PLA2G12A: variants seen among roughly 807,000 people sequenced by gnomAD.
PLA2G12A encodes group XIIA secretory phospholipase A2.
PLA2G12A carries 11 observed loss-of-function variants against 16.0 expected under a neutral mutation model. The observed-to-expected ratio is 0.69, with a 90% confidence interval of 0.43 to 1.13. The LOEUF (loss-of-function observed/expected upper bound fraction) is 1.13, where lower values mean the gene tolerates loss of function less well. Ranked by LOEUF, PLA2G12A falls within the 50% of genes most tolerant of loss-of-function variation. PLA2G12A has a pLI of 0.00. For synonymous variants in PLA2G12A, 77 were observed against 93.8 expected (o/e 0.82, Z 1.03); for missense variants, 214 against 237.3 (o/e 0.90, Z 0.65).
intron 1 of PLA2G12A, 66 bp from the exon 2 acceptor site, chr4:109,718,825 A>C (rs1730872978): frequency 8.6e-6 from 9 of 1,050,334 alleles, no homozygotes; most frequent in Non-Finnish European, 1.3e-5. Flanking sequence ...ATACTCAAAA[A>C]GGTCAATATG....
intron 1 of PLA2G12A, among the ~76,000 whole-genome samples, chr4:109,722,288 C>G (rs1424355618): frequency 6.6e-6 from 1 of 152,302 alleles, no homozygotes; most frequent in Non-Finnish European, 1.5e-5. Flanking sequence ...GGCCTTTGAA[C>G]CTGCTCTTCC....
Position 109,713,507 on chromosome 4 carries a change from T to C in PLA2G12A, c.*870A>G, listed in dbSNP as rs752633996. 6 of 152,160 alleles carry C rather than the reference T, an allele frequency of 3.9e-5. No individual in the cohort carries two copies. The highest frequency in any genetic ancestry group is 7.4e-5 in the Non-Finnish European group (5 of 68,018). The allele number at this position is 152,160 out of a possible 1,614,324, so 9.4% of individuals were successfully genotyped here. A position where few individuals can be genotyped will look rare whatever the true frequency, so the allele number is the denominator to read the frequency against. On this transcript the variant is annotated 3_prime_UTR_variant, in exon 4 of 4. Coordinates refer to ENST00000243501, the MANE Select transcript of PLA2G12A (RefSeq NM_030821.5). ...ACAATAAGGAACAAGTGCTGGGAAA[T>C]AAATAACAAAGCATAACAGCAAATA...
Position 109,714,302 on chromosome 4 carries a change from T to C in PLA2G12A, c.*75A>G. 2.1e-6 allele frequency: 2 copies of C among 953,380 alleles called. No individual in the cohort carries two copies. 59.1% of individuals were successfully genotyped at this position (953,380 alleles called of 1,614,324 possible). ...CTTTCACAAAAATAAGACAGTTTTATGTTGTAAAAACATTAGTTATTTGTC... is the reference window on the plus strand; with the variant it reads ...CTTTCACAAAAATAAGACAGTTTTACGTTGTAAAAACATTAGTTATTTGTC... On this transcript the variant is annotated 3_prime_UTR_variant, in exon 4 of 4. Transcript: ENST00000243501.
intron 1 of PLA2G12A, among the ~76,000 whole-genome samples, chr4:109,727,413 A>AT (rs1040083450): frequency 6.7e-5 from 10 of 150,144 alleles, no homozygotes; most frequent in East Asian, 1.9e-4. Context: ...GTCCTGCCTA[A>AT]TTTTTTTTTT....
At position 109,710,314 on chromosome 4, in the gene PLA2G12A, ATCT is replaced by A. The variant is rs1730698517; in HGVS notation, c.*4060_*4062del. The A allele has an allele frequency of 6.6e-6, 1 of 152,272 alleles. No homozygotes were observed. Among genetic ancestry groups the A allele is most frequent in the Non-Finnish European group, 1.5e-5 (1 of 68,046 alleles). 9.4% of individuals were successfully genotyped at this position (152,272 alleles called of 1,614,324 possible). A position where few individuals can be genotyped will look rare whatever the true frequency, so the allele number is the denominator to read the frequency against. On this transcript the variant is annotated 3_prime_UTR_variant, in exon 4 of 4. Coordinates refer to ENST00000243501, the MANE Select transcript of PLA2G12A (RefSeq NM_030821.5). ...AGAATTGTTTTTATAGAAAGATTCC[ATCT>A]TCTTTACTGTTAGATGTTATACGTG...
At chr4:109,718,612 A>C in intron 2 of PLA2G12A, 71 bp downstream of exon 2, 1 of 1,137,810 alleles carries the variant, frequency 8.8e-7, no homozygotes, top group Non-Finnish European at 1.3e-6. Context: ...ACATGCTGAT[A>C]GTCTTATATC....
chr4:109,728,159 C>A (rs1266641618), intron 1 of PLA2G12A, among the ~76,000 whole-genome samples: 2 of 152,208 alleles, frequency 1.3e-5, no homozygotes, highest in African/African-American at 2.4e-5. Flanking sequence ...GCTGAACAAC[C>A]CATTTAGAAG....
chr4:109,729,876 G>A lies in PLA2G12A; in HGVS notation c.-67C>T, dbSNP rs1212887369. 7.2e-7 allele frequency: 1 copy of A among 1,392,296 alleles called. No individual in the cohort carries two copies. The highest frequency in any genetic ancestry group is 9.6e-7 in the Non-Finnish European group (1 of 1,047,074). The allele number at this position is 1,392,296 out of a possible 1,614,324, so 86.2% of individuals were successfully genotyped here. ...GGGGCGCGTCCCCACAGAGTCCCCAGGACGCGCTAGGCAGCGGCGCGGGCC... is the reference window on the plus strand; with the variant it reads ...GGGGCGCGTCCCCACAGAGTCCCCAAGACGCGCTAGGCAGCGGCGCGGGCC... On this transcript the variant is annotated 5_prime_UTR_variant, in exon 1 of 4. Coordinates refer to ENST00000243501, the MANE Select transcript of PLA2G12A (RefSeq NM_030821.5).
intron 3 of PLA2G12A, among the ~76,000 whole-genome samples, chr4:109,717,004 T>C (rs1459134244): frequency 6.6e-6 from 1 of 152,172 alleles, no homozygotes; most frequent in Non-Finnish European, 1.5e-5. Context: ...TTAGTGCTCT[T>C]ATAAAAGAGG....
intron 1 of PLA2G12A, among the ~76,000 whole-genome samples, chr4:109,725,640 C>T (rs563593462): frequency 6.6e-6 from 1 of 152,338 alleles, no homozygotes; most frequent in Non-Finnish European, 1.5e-5. Context: ...TAAGCAATAG[C>T]TCCTTCTCTT....
chr4:109,719,421 G>A (rs906968077), intron 1 of PLA2G12A, among the ~76,000 whole-genome samples: 13 of 151,866 alleles, frequency 8.6e-5, no homozygotes, highest in African/African-American at 3.1e-4. Context: ...ATGAACTACG[G>A]TACTCCAGAA....
At chr4:109,720,796 C>G (rs1165166711) in intron 1 of PLA2G12A, among the ~76,000 whole-genome samples, 3 of 148,348 alleles carry the variant, frequency 2.0e-5, no homozygotes, top group African/African-American at 7.5e-5. Context: ...GGGCTGGGAG[C>G]GGTGGCTCAC....
In PLA2G12A at chr4:109,711,920, A is replaced by G. The variant is rs1730737078; in HGVS notation, c.*2457T>C. ...CCTCTGGTATTCTTCCTAAAAATCT[A>G]TAACCCCACTCTAACCATGAGGAAA... On this transcript the variant is annotated 3_prime_UTR_variant, in exon 4 of 4. Coordinates refer to ENST00000243501, the MANE Select transcript of PLA2G12A (RefSeq NM_030821.5). 1 of 152,558 alleles carries G rather than the reference A, an allele frequency of 6.6e-6. No individual in the cohort carries two copies. Among genetic ancestry groups the G allele is most frequent in the Non-Finnish European group, 1.5e-5 (1 of 68,058 alleles). The allele number at this position is 152,558 out of a possible 1,614,324, so 9.5% of individuals were successfully genotyped here. A position where few individuals can be genotyped will look rare whatever the true frequency, so the allele number is the denominator to read the frequency against.
At chr4:109,727,976 T>C (rs1722973681) in intron 1 of PLA2G12A, among the ~76,000 whole-genome samples, 1 of 152,238 alleles carries the variant, frequency 6.6e-6, no homozygotes, top group Non-Finnish European at 1.5e-5. Context: ...AACCGTTTCC[T>C]TCCTTTGGCT....
chr4:109,718,662 CAAATA>C lies in PLA2G12A; in HGVS notation c.285+16_285+20del, dbSNP rs754634928. The stretch of plus-strand genomic sequence containing the variant: ...ATGATTTACCAGTTACAAAACTTAT[CAAATA>C]AAAGACAATATTTACATGAACACCA... On this transcript the variant is annotated intron_variant, in intron 2 of 3. Coordinates refer to ENST00000243501, the MANE Select transcript of PLA2G12A (RefSeq NM_030821.5). 52 of 1,542,014 alleles carry C rather than the reference CAAATA, an allele frequency of 3.4e-5. No individual in the cohort carries two copies. The highest frequency in any genetic ancestry group is 4.3e-5 in the Non-Finnish European group (48 of 1,125,082).
chr4:109,723,491 C>T (rs1253734846), intron 1 of PLA2G12A, among the ~76,000 whole-genome samples: 3 of 152,128 alleles, frequency 2.0e-5, no homozygotes, highest in African/African-American at 7.2e-5. Flanking sequence ...TCCAAGCAGC[C>T]GTGAAGTCAT....
chr4:109,729,444 A>G (rs566818521), intron 1 of PLA2G12A, among the ~76,000 whole-genome samples, 158 bp downstream of exon 1: 1 of 152,284 alleles, frequency 6.6e-6, no homozygotes, highest in East Asian at 1.9e-4. Flanking sequence ...AGCTTGCTCA[A>G]TCACTAGAAC....
chr4:109,724,586 T>C (rs1219808077), intron 1 of PLA2G12A, among the ~76,000 whole-genome samples: 1 of 152,204 alleles, frequency 6.6e-6, no homozygotes, highest in African/African-American at 2.4e-5. Context: ...TACATATATA[T>C]GTGTATGCAT....
rs1722977309 is a variant in PLA2G12A at position 109,728,196 on chromosome 4, C to G, written c.208+1406G>C. Among the ~76,000 whole-genome samples the G allele has an allele frequency of 2.0e-5, 3 of 152,186 alleles. No individual in the cohort carries two copies. The South Asian group carries it at 6.2e-4, about 31-fold the overall frequency. ...GTAAATTGCCTCCAACATGGCCCCT[C>G]GTCTGCCCTGATCAGACTCCACACT... On this transcript the variant is annotated intron_variant, in intron 1 of 3. Coordinates refer to ENST00000243501, the MANE Select transcript of PLA2G12A (RefSeq NM_030821.5).
Sources: gnomAD v4.1 joint callset for allele counts (sites outside exome capture counted in the v4.1 genomes callset) on GRCh38, gnomAD v4.1.1 for gene constraint, MANE v1.5 for transcripts, NCBI Gene and HGNC (gene_info 2026-07-23, HGNC 2026-07-21) for gene names.